The following FOXN3 variants were observed in gnomAD, a reference collection of about 807,000 sequenced individuals.
FOXN3 encodes forkhead box N3.
Under a neutral mutation model 38.4 loss-of-function variants are expected in FOXN3, and 7 were observed. The observed-to-expected ratio is 0.18, with a 90% confidence interval of 0.10 to 0.34. FOXN3 has a LOEUF of 0.34. FOXN3 is among the 10% of genes least tolerant of loss of function. The probability of loss-of-function intolerance (pLI) is 1.00; values close to 1 mark genes in which losing one functional copy is unlikely to be tolerated. For missense variants in FOXN3, 456 were observed against 613.4 expected (o/e 0.74, Z 2.71); for synonymous variants, 230 against 242.2 (o/e 0.95, Z 0.47).
At chr14:89,204,031 G>A (rs1481623784) in intron 4 of FOXN3, among the ~76,000 whole-genome samples, 1 of 142,980 alleles carries the variant, frequency 7.0e-6, no homozygotes, top group Non-Finnish European at 1.5e-5. Context: ...AGAAATACCG[G>A]TATAACCAGG....
At chr14:89,487,339 G>T (rs147178820) in intron 1 of FOXN3, among the ~76,000 whole-genome samples, 6 of 152,204 alleles carry the variant, frequency 3.9e-5, no homozygotes, top group Non-Finnish European at 7.3e-5. Context: ...ATTAGCCTAC[G>T]CGCTGTAGTC....
At chr14:89,503,703 G>C (rs957058402) in intron 1 of FOXN3, among the ~76,000 whole-genome samples, 1 of 152,200 alleles carries the variant, frequency 6.6e-6, no homozygotes, top group African/African-American at 2.4e-5. Context: ...GCCTGGCTCG[G>C]TTACAAGTGT....
chr14:89,603,465 C>T (rs1340744347), intron 1 of FOXN3, among the ~76,000 whole-genome samples: 1 of 152,158 alleles, frequency 6.6e-6, no homozygotes, highest in East Asian at 1.9e-4. Flanking sequence ...GAAGTGGTAA[C>T]TTGAAAATAA....
intron 4 of FOXN3, among the ~76,000 whole-genome samples, chr14:89,188,435 C>T (rs1284783900): frequency 6.6e-6 from 1 of 152,174 alleles, no homozygotes; most frequent in East Asian, 1.9e-4. Flanking sequence ...GGCTTGGTTT[C>T]ATTTCAAAGA....
chr14:89,516,561 T>TTG (rs1894208718), intron 1 of FOXN3, among the ~76,000 whole-genome samples: 2 of 30,728 alleles, frequency 6.5e-5, no homozygotes, highest in Admixed American at 3.9e-4. Flanking sequence ...TGCCAGTAGT[T>TTG]TTTTTTTTTT....
At chr14:89,234,486 T>C (rs12431575) in intron 4 of FOXN3, among the ~76,000 whole-genome samples, 42,296 of 152,000 alleles carry the variant, frequency 0.28, 6,963 homozygotes, top group South Asian at 0.41. Context: ...AGGCGGGGCC[T>C]GGTGGGAGGT....
chr14:89,365,767 A>C lies in FOXN3; in HGVS notation c.544-14959T>G, dbSNP rs189631915. Among the ~76,000 whole-genome samples the C allele has an allele frequency of 8.6e-4, 131 of 152,360 alleles. 1 individual carries two copies. In the East Asian group the frequency reaches 0.023, roughly 26 times the overall value. On this transcript the variant is annotated intron_variant, in intron 2 of 5. Transcript: ENST00000557258. ...GTTTTATATACTTCTAATAGCTGCC[A>C]TGCTATGCCACTTCAAAGAGTCAAA...
intron 1 of FOXN3, among the ~76,000 whole-genome samples, chr14:89,543,623 T>C (rs1301082363): frequency 6.6e-6 from 1 of 152,252 alleles, no homozygotes; most frequent in Non-Finnish European, 1.5e-5. Flanking sequence ...GCTTTTGGCA[T>C]GTGGCTGATG....
At chr14:89,595,139 A>T (rs1276605909) in intron 1 of FOXN3, among the ~76,000 whole-genome samples, 3 of 144,646 alleles carry the variant, frequency 2.1e-5, no homozygotes, top group African/African-American at 7.8e-5. Flanking sequence ...ACATGGTGAA[A>T]CCCCGTCTCT....
chr14:89,180,327 C>A (rs1367965607), intron 5 of FOXN3, among the ~76,000 whole-genome samples: 2 of 152,168 alleles, frequency 1.3e-5, no homozygotes, highest in African/African-American at 2.4e-5. Context: ...AGGAACTGAG[C>A]CCAGAGTCAC....
At chr14:89,382,562 C>G (rs1890677810) in intron 2 of FOXN3, among the ~76,000 whole-genome samples, 1 of 152,196 alleles carries the variant, frequency 6.6e-6, no homozygotes, top group African/African-American at 2.4e-5. Context: ...GTCCCTACCC[C>G]ACCCACAAAT....
intron 4 of FOXN3, among the ~76,000 whole-genome samples, chr14:89,197,640 C>G (rs1888132363): frequency 6.6e-6 from 1 of 152,160 alleles, no homozygotes. Flanking sequence ...CCAATCTGCT[C>G]CTGGGTGAAT....
intron 2 of FOXN3, among the ~76,000 whole-genome samples, chr14:89,351,658 C>T (rs1596204794): frequency 1.3e-5 from 2 of 152,290 alleles, no homozygotes; most frequent in Middle Eastern, 6.8e-3. Context: ...TTCCTCTGGC[C>T]GCACACTTTC....
chr14:89,327,456 C>A (rs1888115879), intron 3 of FOXN3, among the ~76,000 whole-genome samples: 1 of 152,134 alleles, frequency 6.6e-6, no homozygotes, highest in Admixed American at 6.5e-5. Flanking sequence ...TGACCTACAG[C>A]TTCAAGAGCA....
At chr14:89,483,448 A>T (rs1189289543) in intron 1 of FOXN3, among the ~76,000 whole-genome samples, 1 of 152,102 alleles carries the variant, frequency 6.6e-6, no homozygotes, top group Non-Finnish European at 1.5e-5. Context: ...TCACTCTGTC[A>T]CCCAGGTTGG....
At chr14:89,595,243 T>C (rs931884265) in intron 1 of FOXN3, among the ~76,000 whole-genome samples, 1 of 151,604 alleles carries the variant, frequency 6.6e-6, no homozygotes, top group Non-Finnish European at 1.5e-5. Context: ...GAGAATGGTG[T>C]GAACCCGGGA....
At chr14:89,523,997 G>A (rs1003848126) in intron 1 of FOXN3, among the ~76,000 whole-genome samples, 8 of 151,322 alleles carry the variant, frequency 5.3e-5, no homozygotes, top group Admixed American at 6.6e-5. Context: ...TCCTGACCTC[G>A]TGATCCACCC....
chr14:89,406,541 C>T (rs1472151999), intron 2 of FOXN3, among the ~76,000 whole-genome samples: 1 of 152,142 alleles, frequency 6.6e-6, no homozygotes, highest in Admixed American at 6.5e-5. Flanking sequence ...CCACTCAGAG[C>T]TTAACTCATC....
At chr14:89,307,653 GGCA>G (rs1213890689) in intron 3 of FOXN3, among the ~76,000 whole-genome samples, 3 of 152,096 alleles carry the variant, frequency 2.0e-5, no homozygotes, top group African/African-American at 7.2e-5. Flanking sequence ...AAAGCTCGTT[GGCA>G]GCCTGCACCT....
Sources: allele counts gnomAD v4.1 joint callset (sites outside exome capture counted in the v4.1 genomes callset), GRCh38; gene constraint gnomAD v4.1.1; transcripts MANE v1.5; gene names NCBI Gene and HGNC (gene_info 2026-07-23, HGNC 2026-07-21).